The following SLC22A16 variants were observed in gnomAD, a reference collection of about 807,000 sequenced individuals.
SLC22A16 encodes solute carrier family 22 member 16, also known as WUGSC:RG331P03.1.
In SLC22A16, 53 loss-of-function variants were observed where a neutral mutation model predicts 52.9. The ratio of observed to expected loss-of-function variants is 1.00; its 90% CI spans 0.80 to 1.26. SLC22A16 has a LOEUF of 1.26. SLC22A16 is among the 50% of genes most tolerant of loss of function. The pLI is 0.00. For missense variants in SLC22A16, 726 were observed against 704.0 expected (o/e 1.03, Z -0.35); for synonymous variants, 291 against 268.8 (o/e 1.08, Z -0.81).
At chr6:110,462,888 G>A (rs539009976) in intron 1 of SLC22A16, among the ~76,000 whole-genome samples, 17 of 151,924 alleles carry the variant, frequency 1.1e-4, no homozygotes, top group Middle Eastern at 3.4e-3. Context: ...GTGTCAGATC[G>A]CCTATAAAAA....
At chr6:110,429,344 G>A (rs1046114882) in intron 7 of SLC22A16, among the ~76,000 whole-genome samples, 3 of 152,146 alleles carry the variant, frequency 2.0e-5, no homozygotes, top group African/African-American at 4.8e-5. Flanking sequence ...GCCTGCTCCG[G>A]GGACATGGGA....
rs751572618 is a variant in SLC22A16 at position 110,456,616 on chromosome 6, C to A, written c.455G>T (p.Trp152Leu). 1.9e-6 allele frequency: 3 copies of A among 1,614,158 alleles called. No individual in the cohort carries two copies. The Admixed American group carries it at 5.0e-5, about 27-fold the overall frequency. The change falls in exon 2 of 8, where the codon TGG becomes TTG. Residue 152 changes from tryptophan to leucine, a missense_variant. Transcript: ENST00000368919. ...TAGGGGCTGGATCAGCATTGCAAGC[C>A]ATTTTCGGTCACAGACCAGGTTCCA... is the stretch of plus-strand genomic sequence containing the variant. ...TQWNLVCDRK[W>L]LAMLIQPLFM...
intron 1 of SLC22A16, among the ~76,000 whole-genome samples, chr6:110,466,518 G>GA (rs1188403068): frequency 2.6e-5 from 4 of 151,792 alleles, no homozygotes; most frequent in African/African-American, 9.6e-5. Flanking sequence ...CAACAAACAG[G>GA]AAAAAATGCT....
chr6:110,463,514 TAAAAAAA>T (rs386408237), intron 1 of SLC22A16, among the ~76,000 whole-genome samples: 5 of 53,268 alleles, frequency 9.4e-5, no homozygotes, highest in Non-Finnish European at 3.2e-5. Context: ...GTAACAACAG[TAAAAAAA>T]AAAAAAAAAA....
At chr6:110,426,719 G>T (rs1300109151) in intron 7 of SLC22A16, among the ~76,000 whole-genome samples, 3 of 152,238 alleles carry the variant, frequency 2.0e-5, no homozygotes, top group African/African-American at 7.2e-5. Context: ...GGAGGCTTGA[G>T]GTGGGTGGAT....
rs1774831771 is a variant in SLC22A16, at chr6:110,438,607, C to T, written c.1311+113G>A. On this transcript the variant is annotated intron_variant, in intron 5 of 7. Coordinates refer to ENST00000368919, the MANE Select transcript of SLC22A16 (RefSeq NM_033125.4). ...AAAACAGATTTTTAAATATTATATA[C>T]TCTGCCCAAATCATACTCTGAATTG... 3 of 1,123,884 alleles carry T rather than the reference C, an allele frequency of 2.7e-6. No homozygotes were observed. The Admixed American group carries it at 8.3e-5, about 31-fold the overall frequency. 69.6% of individuals were successfully genotyped at this position (1,123,884 alleles called of 1,614,324 possible).
chr6:110,424,700 G>A lies in SLC22A16; in HGVS notation c.*173C>T. On this transcript the variant is annotated 3_prime_UTR_variant, in exon 8 of 8. Transcript: ENST00000368919. ...ATAAGAAAGCAGTTTTTAAAACTGA[G>A]AATTTTCATCTTAGTTTTTATTTCT... 1 of 781,574 alleles carries A rather than the reference G, an allele frequency of 1.3e-6. No individual in the cohort carries two copies. The highest frequency in any genetic ancestry group is 3.3e-5 in the Admixed American group (1 of 30,218). The allele number at this position is 781,574 out of a possible 1,614,324, so 48.4% of individuals were successfully genotyped here.
chr6:110,441,130 T>A lies in SLC22A16; in HGVS notation c.1183+1114A>T, dbSNP rs79201289. Among the ~76,000 whole-genome samples the A allele has an allele frequency of 4.3e-3, 654 of 152,320 alleles. 6 individuals are homozygous for A. The highest frequency in any genetic ancestry group is 6.2e-3 in the Non-Finnish European group (424 of 68,032). The stretch of plus-strand genomic sequence containing the variant: ...AGAAAGGACAAGACGATATTGAAGA[T>A]GAAGACCACAGTGGCAGAGCATCCA... On this transcript the variant is annotated intron_variant, in intron 4 of 7. Transcript: ENST00000368919.
At chr6:110,445,274 A>G (rs1328863758) in intron 3 of SLC22A16, among the ~76,000 whole-genome samples, 1 of 151,776 alleles carries the variant, frequency 6.6e-6, no homozygotes, top group Non-Finnish European at 1.5e-5. Flanking sequence ...GGGCCCTTTC[A>G]TCCACTTCTA....
Position 110,442,262 on chromosome 6 carries a change from A to C in SLC22A16, c.1165T>G (p.Leu389Val), listed in dbSNP as rs751384188. 6.2e-7 allele frequency: 1 copy of C among 1,614,056 alleles called. No individual in the cohort carries two copies. ...TACTTACCCAGGAGGAAGAGGTTTA[A>C]GTATTCATTGCCTCCTAAGTTAACA... is the stretch of plus-strand genomic sequence containing the variant. ...NSVNLGGNEY[L>V]NLFLLGVVEI... The change falls in exon 4 of 8, where the codon TTA becomes GTA. Residue 389 changes from leucine to valine, a missense_variant. By Grantham distance (32) the Leu-to-Val change is conservative (BLOSUM62 1). Transcript: ENST00000368919.
chr6:110,433,653 T>C (rs1276001298), intron 6 of SLC22A16, among the ~76,000 whole-genome samples: 1 of 152,246 alleles, frequency 6.6e-6, no homozygotes, highest in African/African-American at 2.4e-5. Context: ...AAGTTTCCTG[T>C]GAAAAACCTT....
chr6:110,450,188 G>A (rs1287229245), intron 2 of SLC22A16, among the ~76,000 whole-genome samples: 1 of 147,916 alleles, frequency 6.8e-6, no homozygotes, highest in South Asian at 2.1e-4. Flanking sequence ...TAAAAAAAAA[G>A]GAGGGGGGGG....
chr6:110,428,728 C>T (rs1184742218), intron 7 of SLC22A16, among the ~76,000 whole-genome samples: 2 of 152,118 alleles, frequency 1.3e-5, no homozygotes, highest in Non-Finnish European at 2.9e-5. Flanking sequence ...CCAGCTTGGC[C>T]AACATAGTGA....
intron 1 of SLC22A16, among the ~76,000 whole-genome samples, chr6:110,468,903 G>A (rs1432871660): frequency 1.3e-5 from 2 of 152,162 alleles, no homozygotes; most frequent in African/African-American, 4.8e-5. Context: ...CAGAGCCTTG[G>A]GGTTGCTATA....
intron 6 of SLC22A16, among the ~76,000 whole-genome samples, chr6:110,434,629 G>C (rs563392704): frequency 6.3e-5 from 9 of 143,572 alleles, no homozygotes; most frequent in Non-Finnish European, 1.2e-4. Context: ...AGGGTGTCGG[G>C]GGGGCGGGTG....
At chr6:110,438,190 G>A (rs1347076337) in intron 5 of SLC22A16, among the ~76,000 whole-genome samples, 2 of 152,214 alleles carry the variant, frequency 1.3e-5, no homozygotes, top group African/African-American at 4.8e-5. Context: ...ATAAATGTTT[G>A]CTGAATGAAT....
rs150141053 is a variant in SLC22A16 at position 110,438,754 on chromosome 6, G to T, written c.1277C>A (p.Ala426Glu). 9.2e-4 allele frequency: 1,480 copies of T among 1,614,072 alleles called. 3 individuals are homozygous for T. The highest frequency in any genetic ancestry group is 1.1e-3 in the Non-Finnish European group (1,347 of 1,179,984). The change falls in exon 5 of 8, where the codon GCA becomes GAA. Residue 426 changes from alanine (A) to glutamate (E), a missense_variant. Transcript: ENST00000368919. ...TVLAYSLFCS[A>E]LACGVVMVIP... ...CACCATAACGACACCACAGGCCAGT[G>T]CACTGCAGAAAAGAGAGTAGGCCAG... is the stretch of plus-strand genomic sequence containing the variant.
intron 1 of SLC22A16, among the ~76,000 whole-genome samples, chr6:110,470,436 C>G (rs1776220378): frequency 6.6e-6 from 1 of 152,126 alleles, no homozygotes; most frequent in Non-Finnish European, 1.5e-5. Flanking sequence ...ACAGCTCCAC[C>G]ACTGAAAAGC....
intron 1 of SLC22A16, among the ~76,000 whole-genome samples, chr6:110,470,462 G>A (rs1425553958): frequency 6.6e-6 from 1 of 152,082 alleles, no homozygotes; most frequent in Non-Finnish European, 1.5e-5. Context: ...TTCTGAGCAT[G>A]ACCTCCCACC....
Sources: gnomAD v4.1 joint callset for allele counts (sites outside exome capture counted in the v4.1 genomes callset) on GRCh38, gnomAD v4.1.1 for gene constraint, MANE v1.5 for transcripts, NCBI Gene and HGNC (gene_info 2026-07-23, HGNC 2026-07-21) for gene names.